Variants in KCNAB2 observed in about 807,000 individuals in gnomAD.
KCNAB2 encodes the protein potassium voltage-gated channel subfamily A regulatory beta subunit 2, also known as voltage-gated potassium channel subunit beta-2.
KCNAB2 carries 29 observed loss-of-function variants against 63.6 expected under a neutral mutation model. That is an observed-to-expected ratio of 0.46 (90% confidence interval 0.34 to 0.62). The LOEUF is 0.62. Among genes scored for constraint, KCNAB2 ranks in the 20% least tolerant of loss-of-function variants. The probability of loss-of-function intolerance (pLI) is 0.01; values close to 1 mark genes in which losing one functional copy is unlikely to be tolerated. For synonymous variants in KCNAB2, 222 were observed against 224.2 expected, an observed-to-expected ratio of 0.99 and a Z score of 0.09; for missense variants, 359 against 563.9, an observed-to-expected ratio of 0.64 and a Z score of 3.68.
intron 1 of KCNAB2, among the ~76,000 whole-genome samples, chr1:6,036,226 A>G (rs1351823075): frequency 6.6e-6 from 1 of 152,190 alleles, no homozygotes; most frequent in Admixed American, 6.5e-5. Flanking sequence ...TTTTAGGCCG[A>G]GTGAGGTGGC....
At chr1:6,042,808 CA>C (rs1310686733), upstream of KCNAB2, among the ~76,000 whole-genome samples, 1 of 148,562 alleles carries the variant, frequency 6.7e-6, no homozygotes, top group African/African-American at 2.5e-5. Flanking sequence ...AATGTATTTC[CA>C]TGTAGCTTTT....
intron 2 of KCNAB2, among the ~76,000 whole-genome samples, chr1:6,057,619 A>C (rs1423949222): frequency 1.3e-5 from 2 of 152,224 alleles, no homozygotes; most frequent in Non-Finnish European, 2.9e-5. Flanking sequence ...GGTTTACAAC[A>C]GAAGCTTTTT....
upstream of KCNAB2, chr1:6,045,817 C>A (rs1660872846): frequency 2.5e-6 from 2 of 808,640 alleles, no homozygotes; most frequent in Non-Finnish European, 3.0e-6. The surrounding 1 kb of genome is among the most constrained non-coding windows in gnomAD (Gnocchi z 4.8). Flanking sequence ...GTGGAGGCAG[C>A]AAGGGTAGGC....
upstream of KCNAB2, among the ~76,000 whole-genome samples, chr1:6,033,416 A>G (rs917293227): frequency 6.7e-6 from 1 of 148,680 alleles, no homozygotes; most frequent in African/African-American, 2.5e-5. Flanking sequence ...GTATGTGTGC[A>G]TGTCTGTGCA....
chr1:6,039,015 C>G (rs527485324), intron 1 of KCNAB2, among the ~76,000 whole-genome samples: 1 of 152,296 alleles, frequency 6.6e-6, no homozygotes, highest in African/African-American at 2.4e-5. Context: ...AGAACCACTG[C>G]CCTCCTGGAA....
At chr1:6,084,684 C>T (rs1219455164) in intron 5 of KCNAB2, among the ~76,000 whole-genome samples, 4 of 152,058 alleles carry the variant, frequency 2.6e-5, no homozygotes, top group Non-Finnish European at 4.4e-5. Flanking sequence ...GGCGTGGTGG[C>T]AGGTGCCTGT....
At chr1:6,044,342 G>A (rs1292609267), upstream of KCNAB2, among the ~76,000 whole-genome samples, 1 of 152,216 alleles carries the variant, frequency 6.6e-6, no homozygotes, top group Admixed American at 6.5e-5. Context: ...TGGGGTCCAA[G>A]GAAGGAGGGG....
intron 2 of KCNAB2, among the ~76,000 whole-genome samples, chr1:6,053,981 T>G (rs777074695): frequency 6.0e-5 from 9 of 150,528 alleles, no homozygotes; most frequent in Non-Finnish European, 1.3e-4. Flanking sequence ...ATTTCAACGC[T>G]GCAGTGAGCC....
At chr1:6,005,881 C>T (rs914924512) in intron 1 of KCNAB2, among the ~76,000 whole-genome samples, 3 of 151,458 alleles carry the variant, frequency 2.0e-5, no homozygotes, top group Non-Finnish European at 4.4e-5. Context: ...TTCTGATGTT[C>T]TGATCCATTC....
chr1:6,049,554 AG>A (rs1449908976), intron 1 of KCNAB2, among the ~76,000 whole-genome samples: 1 of 152,224 alleles, frequency 6.6e-6, no homozygotes, highest in Non-Finnish European at 1.5e-5. Flanking sequence ...AGGTGCAGAC[AG>A]CACAGCAGGC....
chr1:6,002,402 C>T (rs888623454), intron 1 of KCNAB2, among the ~76,000 whole-genome samples: 4 of 152,206 alleles, frequency 2.6e-5, no homozygotes, highest in African/African-American at 9.7e-5. Context: ...TGGCAGGAGG[C>T]GGGGATGCAC....
upstream of KCNAB2, among the ~76,000 whole-genome samples, chr1:6,031,347 T>C (rs1245908325): frequency 6.6e-6 from 1 of 152,146 alleles, no homozygotes; most frequent in East Asian, 1.9e-4. The surrounding 1 kb of genome is among the most constrained non-coding windows in gnomAD (Gnocchi z 4.1). Context: ...CCCCCAAAGC[T>C]CCTACTCAGA....
In KCNAB2 at chr1:6,038,881, T is replaced by C. The variant is rs545212610; in HGVS notation, c.-52-1636T>C. On this transcript the variant is annotated intron_variant, in intron 1 of 15. Transcript: ENST00000164247. ...TTGCTGTGGATGGGCGGGGCTGTTT[T>C]GAGCCCAGACCATCCCTTTGCCTGT... 1.2e-4 allele frequency among the ~76,000 whole-genome samples: 18 copies of C among 152,382 alleles called. No homozygotes were observed. In the South Asian group the frequency reaches 3.3e-3, roughly 28 times the overall value.
rs1663436564 is a variant in KCNAB2 at position 6,073,849 on chromosome 1, A to G, written c.300+79A>G. The G allele has an allele frequency of 7.0e-7, 1 of 1,428,530 alleles. No homozygotes were observed. Among genetic ancestry groups the G allele is most frequent in the African/African-American group, 1.4e-5 (1 of 71,048 alleles). The allele number at this position is 1,428,530 out of a possible 1,614,324, so 88.5% of individuals were successfully genotyped here. A position where few individuals can be genotyped will look rare whatever the true frequency, so the allele number is the denominator to read the frequency against. On this transcript the variant is annotated intron_variant, in intron 4 of 15. Coordinates refer to ENST00000378083, the MANE Select transcript of KCNAB2 (RefSeq NM_001199862.2). This position sits in a 1 kb window ranked among gnomAD's most constrained non-coding sequence, Gnocchi z 5.7. ...CATGGTTAAGTCTGCCGCGTGGACCAGTGAGCACGTGCTCCCGGGAGCCAG... is the reference window on the plus strand; with the variant it reads ...CATGGTTAAGTCTGCCGCGTGGACCGGTGAGCACGTGCTCCCGGGAGCCAG...
At chr1:6,082,125 G>A (rs1664261423) in intron 4 of KCNAB2, 70 bp from the exon 5 acceptor site, 3 of 1,380,594 alleles carry the variant, frequency 2.2e-6, no homozygotes, top group South Asian at 1.2e-5. Context: ...CCCAGGCCGA[G>A]AGGGTGGTGC....
chr1:6,054,166 C>T (rs959234895), intron 2 of KCNAB2, among the ~76,000 whole-genome samples: 1 of 151,994 alleles, frequency 6.6e-6, no homozygotes, highest in Admixed American at 6.6e-5. Flanking sequence ...ATTCCTACGA[C>T]TGGTGTCCTT....
chr1:6,009,967 C>T (rs773488635), intron 1 of KCNAB2, among the ~76,000 whole-genome samples: 1 of 151,638 alleles, frequency 6.6e-6, no homozygotes, highest in Non-Finnish European at 1.5e-5. Flanking sequence ...AACTCCCAGG[C>T]TCAGGCGATT....
intron 1 of KCNAB2, among the ~76,000 whole-genome samples, chr1:6,017,067 A>G (rs115203406): frequency 0.013 from 1,939 of 152,248 alleles, 29 homozygotes; most frequent in African/African-American, 0.041. Context: ...AGCTCCGTAC[A>G]GGCCGTCTGA....
intron 1 of KCNAB2, among the ~76,000 whole-genome samples, chr1:6,051,173 G>C (rs1338603357): frequency 1.3e-5 from 2 of 152,250 alleles, no homozygotes; most frequent in Non-Finnish European, 2.9e-5. Context: ...GGGGGCTCAG[G>C]CTCTGCATGC....
Sources: allele counts gnomAD v4.1 joint callset (sites outside exome capture counted in the v4.1 genomes callset), GRCh38; gene constraint gnomAD v4.1.1; non-coding constraint Gnocchi (gnomAD v3.1); transcripts MANE v1.5; gene names NCBI Gene and HGNC (gene_info 2026-07-23, HGNC 2026-07-21).